The following DRAM1 variants were observed in gnomAD, a reference collection of about 807,000 sequenced individuals.
The protein encoded by DRAM1 is DNA damage-regulated autophagy modulator protein 1.
Under a neutral mutation model 28.5 loss-of-function variants are expected in DRAM1, and 25 were observed. The ratio of observed to expected loss-of-function variants is 0.88; its 90% CI spans 0.64 to 1.23. The LOEUF (loss-of-function observed/expected upper bound fraction) is 1.23, where lower values mean the gene tolerates loss of function less well. Ranked by LOEUF, DRAM1 falls within the 50% of genes most tolerant of loss-of-function variation. The pLI, the probability that DRAM1 is intolerant of heterozygous loss-of-function variation, is 0.00. For synonymous variants in DRAM1, 113 were observed against 114.2 expected, an observed-to-expected ratio of 0.99 and a Z score of 0.07; for missense variants, 249 against 299.2, an observed-to-expected ratio of 0.83 and a Z score of 1.24.
intron 3 of DRAM1, among the ~76,000 whole-genome samples, chr12:101,905,757 TTTTATTTA>T (rs141269206): frequency 2.7e-5 from 4 of 147,420 alleles, no homozygotes; most frequent in Non-Finnish European, 5.9e-5. Flanking sequence ...GCCCATCTGA[TTTTATTTA>T]TTTATTTATT....
At chr12:101,908,433 A>G in intron 4 of DRAM1, 70 bp downstream of exon 4, 1 of 1,502,050 alleles carries the variant, frequency 6.7e-7, no homozygotes, top group Non-Finnish European at 9.1e-7. Context: ...AAGAAGGGTA[A>G]TGAAGACTTT....
At chr12:101,884,537 C>T (rs1051318678) in intron 1 of DRAM1, among the ~76,000 whole-genome samples, 2 of 152,284 alleles carry the variant, frequency 1.3e-5, no homozygotes, top group Middle Eastern at 3.4e-3. Flanking sequence ...TGATATCTTG[C>T]TCATGATATT....
At chr12:101,879,195 A>G (rs1287730315) in intron 1 of DRAM1, among the ~76,000 whole-genome samples, 2 of 152,086 alleles carry the variant, frequency 1.3e-5, no homozygotes, top group Non-Finnish European at 2.9e-5. Context: ...ACAGGGTTTC[A>G]CTATGTTGGT....
chr12:101,877,700 C>A lies in DRAM1; in HGVS notation c.-90C>A, dbSNP rs979073445. 6 of 1,078,386 alleles carry A rather than the reference C, an allele frequency of 5.6e-6. No homozygotes were observed. The Admixed American group carries it at 2.2e-4, about 40-fold the overall frequency. The allele number at this position is 1,078,386 out of a possible 1,614,324, so 66.8% of individuals were successfully genotyped here. On this transcript the variant is annotated 5_prime_UTR_variant, in exon 1 of 7. Coordinates refer to ENST00000258534, the MANE Select transcript of DRAM1 (RefSeq NM_018370.3). This position sits in a 1 kb window ranked among gnomAD's most constrained non-coding sequence, Gnocchi z 4.1. Reference sequence around the variant, plus strand: ...TCCCCTCCCACCGTCCGTGAGTGTACGCGCCCGGCCGCCGCCTCCAGGCAG... The same window carrying A: ...TCCCCTCCCACCGTCCGTGAGTGTAAGCGCCCGGCCGCCGCCTCCAGGCAG...
chr12:101,892,616 C>T (rs921101661), intron 1 of DRAM1, among the ~76,000 whole-genome samples: 3 of 151,982 alleles, frequency 2.0e-5, no homozygotes, highest in South Asian at 2.1e-4. Flanking sequence ...AGTTTTGAAA[C>T]GTTCACATTT....
chr12:101,893,041 A>G (rs1594296660), intron 1 of DRAM1, among the ~76,000 whole-genome samples: 1 of 152,368 alleles, frequency 6.6e-6, no homozygotes, highest in African/African-American at 2.4e-5. Flanking sequence ...GGTGGGTGTT[A>G]TAGCCTCAGT....
rs1434688173 is a variant in DRAM1, at chr12:101,877,992, G to A, written c.131+72G>A. 8.1e-6 allele frequency: 11 copies of A among 1,366,318 alleles called. No individual in the cohort carries two copies. The Admixed American group carries it at 2.6e-4, about 33-fold the overall frequency. The allele number at this position is 1,366,318 out of a possible 1,614,324, so 84.6% of individuals were successfully genotyped here. The stretch of plus-strand genomic sequence containing the variant: ...CCACAGGGAGCGCTGCCGACGGGGA[G>A]GGAAGGCGTCCGGACCCAGCTTGGG... On this transcript the variant is annotated intron_variant, in intron 1 of 6. Transcript: ENST00000258534. This position sits in a 1 kb window ranked among gnomAD's most constrained non-coding sequence, Gnocchi z 4.1.
At chr12:101,901,535 A>T in intron 3 of DRAM1, 102 bp downstream of exon 3, 1 of 1,373,572 alleles carries the variant, frequency 7.3e-7, no homozygotes, top group Non-Finnish European at 9.9e-7. Context: ...TATAGCCATT[A>T]AATGCTTGAT....
chr12:101,898,051 G>A lies in DRAM1; in HGVS notation c.199+121G>A, dbSNP rs1387288129. Reference sequence around the variant, plus strand: ...TTTTATTTATTTTTTCTGAGACAGGGTCTCTGTCATCCAGGCTGGAGTGCA... The same window carrying A: ...TTTTATTTATTTTTTCTGAGACAGGATCTCTGTCATCCAGGCTGGAGTGCA... On this transcript the variant is annotated intron_variant, in intron 2 of 6. Transcript: ENST00000258534. The A allele has an allele frequency of 8.5e-6, 5 of 588,058 alleles. No homozygotes were observed. In the South Asian group the frequency reaches 1.1e-4, roughly 13 times the overall value. 36.4% of individuals were successfully genotyped at this position (588,058 alleles called of 1,614,324 possible).
chr12:101,881,513 A>T (rs1872686096), intron 1 of DRAM1, among the ~76,000 whole-genome samples: 1 of 151,930 alleles, frequency 6.6e-6, no homozygotes, highest in Admixed American at 6.6e-5. Flanking sequence ...CTCTTAGCTC[A>T]TCACCTCCTC....
chr12:101,917,455 A>G (rs1204192393), intron 5 of DRAM1, among the ~76,000 whole-genome samples: 1 of 152,158 alleles, frequency 6.6e-6, no homozygotes, highest in Non-Finnish European at 1.5e-5. Flanking sequence ...TGGGAGGCCA[A>G]GGCGGGTGGA....
At chr12:101,892,241 TA>T (rs1445330121) in intron 1 of DRAM1, among the ~76,000 whole-genome samples, 1 of 150,368 alleles carries the variant, frequency 6.7e-6, no homozygotes, top group Non-Finnish European at 1.5e-5. Context: ...TTTTATTTTT[TA>T]TTTTTTTTTT....
At chr12:101,911,647 T>A (rs1350639276) in intron 4 of DRAM1, among the ~76,000 whole-genome samples, 1 of 152,216 alleles carries the variant, frequency 6.6e-6, no homozygotes, top group South Asian at 2.1e-4. Flanking sequence ...TTTTGCATAC[T>A]TGAAATGTGG....
intron 5 of DRAM1, among the ~76,000 whole-genome samples, chr12:101,915,545 A>AC (rs201324573): frequency 0.041 from 3,745 of 91,832 alleles, 155 homozygotes; most frequent in African/African-American, 0.2. Flanking sequence ...GACTTTGAAG[A>AC]CTTTTTTTTT....
intron 3 of DRAM1, among the ~76,000 whole-genome samples, chr12:101,905,897 C>T (rs1259925678): frequency 6.6e-6 from 1 of 152,156 alleles, no homozygotes; most frequent in Non-Finnish European, 1.5e-5. Flanking sequence ...TCCAGTAATT[C>T]TCCTGCCTCA....
chr12:101,892,421 TTTTTG>T (rs75319501), intron 1 of DRAM1, among the ~76,000 whole-genome samples: 5,495 of 93,470 alleles, frequency 0.059, 364 homozygotes, highest in African/African-American at 0.24. Flanking sequence ...TTTTTTTTTT[TTTTTG>T]TATTTTTAGT....
intron 3 of DRAM1, among the ~76,000 whole-genome samples, chr12:101,904,035 G>A (rs995468686): frequency 7.9e-5 from 12 of 152,112 alleles, no homozygotes; most frequent in African/African-American, 2.7e-4. Context: ...TGCCCAGGCT[G>A]CAGTGCAGTG....
intron 1 of DRAM1, among the ~76,000 whole-genome samples, chr12:101,878,795 G>A (rs1289266602): frequency 1.3e-4 from 20 of 152,162 alleles, no homozygotes; most frequent in Admixed American, 1.3e-3. Flanking sequence ...CGGATGATAA[G>A]GTTGGTGACA....
intron 1 of DRAM1, among the ~76,000 whole-genome samples, chr12:101,884,229 C>T (rs1469653287): frequency 6.6e-6 from 1 of 151,696 alleles, no homozygotes; most frequent in Non-Finnish European, 1.5e-5. Flanking sequence ...CTCTACAATA[C>T]ATACAAAAAA....
Sources: gnomAD v4.1 joint callset for allele counts (sites outside exome capture counted in the v4.1 genomes callset) on GRCh38, gnomAD v4.1.1 for gene constraint, Gnocchi (gnomAD v3.1) non-coding constraint, MANE v1.5 for transcripts, NCBI Gene and HGNC (gene_info 2026-07-23, HGNC 2026-07-21) for gene names.